The following DHX58 variants were observed in gnomAD, a reference collection of about 807,000 sequenced individuals.
The protein encoded by DHX58 is DExH-box helicase 58.
In DHX58, 51 loss-of-function variants were observed where a neutral mutation model predicts 65.0. The ratio of observed to expected loss-of-function variants is 0.78; its 90% CI spans 0.63 to 0.99. The LOEUF (loss-of-function observed/expected upper bound fraction) is 0.99, where lower values mean the gene tolerates loss of function less well. DHX58 is among the 50% of genes least tolerant of loss of function. The pLI is 0.00. For synonymous variants in DHX58, 350 were observed against 365.0 expected (o/e 0.96, Z 0.47); for missense variants, 773 against 891.8 (o/e 0.87, Z 1.70).
chr17:42,105,500 C>A (rs782401193), intron 9 of DHX58, among the ~76,000 whole-genome samples: 5 of 152,112 alleles, frequency 3.3e-5, no homozygotes, highest in African/African-American at 7.2e-5. Context: ...TCCCTACGGA[C>A]CCCCATGCCC....
rs781817229 is a variant in DHX58, at chr17:42,110,723, C to T, written c.561G>A (p.Gln187=). Reference sequence around the variant, plus strand: ...GGAGGCCCACAGGGGCCAGGCTGACCTGCAGGACGTGGTTGATGGCCCCAT... The same window carrying T: ...GGAGGCCCACAGGGGCCAGGCTGACTTGCAGGACGTGGTTGATGGCCCCAT... ...KLDGAINHVL[Q]LCANLDTWCI... is the part of the protein sequence containing the mutation. The change falls in exon 5 of 14, where the codon CAG becomes CAA. Residue 187 remains glutamine (Q), a splice_region_variant and synonymous_variant. Coordinates refer to ENST00000251642, the MANE Select transcript of DHX58 (RefSeq NM_024119.3). 1 of 1,598,854 alleles carries T rather than the reference C, an allele frequency of 6.3e-7. No homozygotes were observed. Among genetic ancestry groups the T allele is most frequent in the Admixed American group, 1.7e-5 (1 of 58,448 alleles).
chr17:42,109,930 G>A (rs1212463450), intron 5 of DHX58, among the ~76,000 whole-genome samples: 5 of 151,128 alleles, frequency 3.3e-5, no homozygotes, highest in African/African-American at 7.3e-5. Context: ...GCTCACGCCT[G>A]TAATCCCAGC....
chr17:42,107,917 C>T, intron 7 of DHX58, 65 bp downstream of exon 7: 1 of 1,606,530 alleles, frequency 6.2e-7, no homozygotes, highest in Non-Finnish European at 8.5e-7. Context: ...GGCCTCCGCC[C>T]CGGCAGGCCC....
At position 42,101,947 on chromosome 17, in the gene DHX58, C is replaced by G; in HGVS notation, c.1852-1G>C. On this transcript the variant is annotated splice_acceptor_variant, in intron 13 of 13. Coordinates refer to ENST00000251642, the MANE Select transcript of DHX58 (RefSeq NM_024119.3). LOFTEE classifies it high-confidence loss of function. ...TGTAGATCATCTGCAGACCCCAGAC[C>G]TGGAGGTGAGACAGAGAGGGTAGGG... 3.7e-6 allele frequency: 6 copies of G among 1,608,100 alleles called. No homozygotes were observed. Among genetic ancestry groups the G allele is most frequent in the Non-Finnish European group, 5.1e-6 (6 of 1,176,736 alleles).
chr17:42,103,825 G>A (rs1555662037), intron 11 of DHX58, 27 bp from the exon 12 acceptor site: 1 of 1,592,194 alleles, frequency 6.3e-7, no homozygotes, highest in African/African-American at 1.3e-5. Context: ...CACCAGGCAT[G>A]GCTGGGGCCT....
intron 12 of DHX58, 188 bp downstream of exon 12, chr17:42,103,420 T>C (rs1289078270): frequency 6.1e-5 from 43 of 708,874 alleles, no homozygotes; most frequent in Middle Eastern, 3.9e-4. Flanking sequence ...GCAAGTCACA[T>C]AGCCTCTCTG....
intron 12 of DHX58, 46 bp downstream of exon 12, chr17:42,103,557 TGGGAA>T (rs781977399): frequency 6.2e-7 from 1 of 1,603,310 alleles, no homozygotes; most frequent in East Asian, 2.2e-5. Context: ...ACTGTCTGGA[TGGGAA>T]GGATTCCCAG....
rs1233481778 is a variant in DHX58 at position 42,103,734 on chromosome 17, T to C, written c.1628A>G (p.Gln543Arg). The C allele has an allele frequency of 6.2e-7, 1 of 1,613,258 alleles. No individual in the cohort carries two copies. The highest frequency in any genetic ancestry group is 8.5e-7 in the Non-Finnish European group (1 of 1,180,036). ...GTGCTCCACTGGGAACTGCTGCCGCTGGTTCTCCCGCTGGGCTGCCTGGGC... is the reference window on the plus strand; with the variant it reads ...GTGCTCCACTGGGAACTGCTGCCGCCGGTTCTCCCGCTGGGCTGCCTGGGC... ...RAAQAAQREN[Q>R]RQQFPVEHVQ... The change falls in exon 12 of 14, where the codon CAG (glutamine) becomes CGG (arginine). Residue 543 changes from glutamine to arginine, a missense_variant. Physicochemically the swap from Gln to Arg is conservative, Grantham distance 43 (BLOSUM62 1). Coordinates refer to ENST00000251642, the MANE Select transcript of DHX58 (RefSeq NM_024119.3).
At chr17:42,109,509 G>A (rs976447532) in intron 5 of DHX58, 123 bp from the exon 6 acceptor site, 23 of 757,316 alleles carry the variant, frequency 3.0e-5, no homozygotes, top group Admixed American at 2.3e-4. Context: ...CTCAAATATT[G>A]CTCGCCCTCT....
chr17:42,111,757 CCA>C lies in DHX58; in HGVS notation c.134_135del (p.Val45GlyfsTer20), dbSNP rs781892047. 1.9e-4 allele frequency: 307 copies of C among 1,613,572 alleles called. No individual in the cohort carries two copies. The highest frequency in any genetic ancestry group is 2.3e-4 in the Non-Finnish European group (273 of 1,179,740). On this transcript the variant is annotated frameshift_variant, in exon 3 of 14. Transcript: ENST00000251642. LOFTEE classifies it high-confidence loss of function. ...AYVAKRHLET[V>X]DGAKVVVLVN... ...ACCAATACAACCACCTTGGCTCCAT[CCA>C]CAGTCTCTAGGTGCCGCTTGGCCAC...
Position 42,111,342 on chromosome 17 carries a change from CTGCAGAAGCTCTGCTG to C in DHX58, c.308_323del (p.Thr103ArgfsTer4), listed in dbSNP as rs1568006541. On this transcript the variant is annotated frameshift_variant, in exon 4 of 14. Transcript: ENST00000251642. LOFTEE classifies it high-confidence loss of function. ...CCTCCTCGGGGCTGGTCAGTGCCATCTGCAGAAGCTCTGCTGTGCAGATGAGCAGGTCATGGCACCG... is the reference window on the plus strand; with the variant it reads ...CCTCCTCGGGGCTGGTCAGTGCCATCTGCAGATGAGCAGGTCATGGCACCG... The C allele has an allele frequency of 6.2e-7, 1 of 1,614,160 alleles. No individual in the cohort carries two copies. Among genetic ancestry groups the C allele is most frequent in the Non-Finnish European group, 8.5e-7 (1 of 1,179,990 alleles).
intron 9 of DHX58, among the ~76,000 whole-genome samples, chr17:42,105,455 T>C (rs1304587412): frequency 6.6e-6 from 1 of 151,820 alleles, no homozygotes; most frequent in Non-Finnish European, 1.5e-5. Flanking sequence ...CCAGACCTGA[T>C]CCTGTGCCCT....
At position 42,105,209 on chromosome 17, in the gene DHX58, A is replaced by AGG. The variant is rs782575770; in HGVS notation, c.1252-44_1252-43dup. 1.2e-5 allele frequency: 18 copies of AGG among 1,561,860 alleles called. 1 individual carries two copies. In the South Asian group the frequency reaches 1.8e-4, roughly 16 times the overall value. The stretch of plus-strand genomic sequence containing the variant: ...GGGAGGAGAAAGAGGCTGGTACATG[A>AGG]GGAGGCTCAGACTGACTCCACCTGC... On this transcript the variant is annotated intron_variant, in intron 9 of 13. Transcript: ENST00000251642.
In DHX58 at chr17:42,104,912, G is replaced by A. The variant is rs140286371; in HGVS notation, c.1417C>T (p.Arg473Trp). Residue 473 changes from arginine to tryptophan, a missense_variant, in exon 11 of 14, where the codon CGG becomes TGG. Transcript: ENST00000251642. The part of the protein sequence containing the change: ...ISMVQARGRA[R>W]ADQSVYAFVA... ...AACGCGTATACACTCTGATCGGCCC[G>A]GGCACGGCCCCTGGCCTGGGAAGAG... The A allele has an allele frequency of 4.9e-5, 79 of 1,614,024 alleles. No individual in the cohort carries two copies. Among genetic ancestry groups the A allele is most frequent in the African/African-American group, 3.6e-4 (27 of 75,040 alleles).
At chr17:42,109,232 C>A in intron 6 of DHX58, 38 bp downstream of exon 6, 1 of 1,574,654 alleles carries the variant, frequency 6.4e-7, no homozygotes, top group Non-Finnish European at 8.7e-7. Context: ...TAACTTCACA[C>A]CGGCTCCCGC....
intron 12 of DHX58, chr17:42,103,275 G>A (rs1395585314): frequency 9.1e-6 from 3 of 329,610 alleles, no homozygotes; most frequent in Non-Finnish European, 1.7e-5. Flanking sequence ...GTGGATGGAG[G>A]ATGGCCCAGG....
intron 11 of DHX58, among the ~76,000 whole-genome samples, chr17:42,104,209 GAA>G (rs782078070): frequency 7.0e-6 from 1 of 142,886 alleles, no homozygotes. Flanking sequence ...CCGTCTCGGG[GAA>G]AAAAAAAAAA....
At chr17:42,103,450 G>A in intron 12 of DHX58, 158 bp downstream of exon 12, 3 of 934,178 alleles carry the variant, frequency 3.2e-6, no homozygotes, top group Admixed American at 2.9e-5. Flanking sequence ...TTCCTTGCCT[G>A]TAAAATGGAG....
At chr17:42,108,251 G>A (rs1019713708) in intron 6 of DHX58, 143 bp from the exon 7 acceptor site, 28 of 1,328,588 alleles carry the variant, frequency 2.1e-5, no homozygotes, top group Non-Finnish European at 2.9e-5. Context: ...AGGGAGGCCG[G>A]CTAGGGTGTG....
Sources: gnomAD v4.1 joint callset for allele counts (sites outside exome capture counted in the v4.1 genomes callset) on GRCh38, gnomAD v4.1.1 for gene constraint, MANE v1.5 for transcripts, NCBI Gene and HGNC (gene_info 2026-07-23, HGNC 2026-07-21) for gene names.